Variants in WWOX observed in about 807,000 individuals in gnomAD.
WWOX encodes WW domain-containing oxidoreductase.
WWOX carries 69 observed loss-of-function variants against 46.2 expected under a neutral mutation model. The ratio of observed to expected loss-of-function variants is 1.49; its 90% CI spans 1.23 to 1.82. WWOX has a LOEUF of 1.82. Among genes scored for constraint, WWOX ranks in the 40% most tolerant of loss-of-function variants. The pLI, the probability that WWOX is intolerant of heterozygous loss-of-function variation, is 0.00. For missense variants in WWOX, 919 were observed against 542.6 expected (o/e 1.69, Z -6.89); for synonymous variants, 359 against 202.6 (o/e 1.77, Z -6.56).
intron 8 of WWOX, among the ~76,000 whole-genome samples, chr16:78,854,044 CACT>C (rs2052512749): frequency 6.6e-6 from 1 of 152,076 alleles, no homozygotes; most frequent in African/African-American, 2.4e-5. Flanking sequence ...TGAAGATAAC[CACT>C]ACTATCATTT....
intron 8 of WWOX, among the ~76,000 whole-genome samples, chr16:78,993,878 C>G (rs2046937302): frequency 1.3e-5 from 2 of 152,178 alleles, no homozygotes; most frequent in South Asian, 4.2e-4. Flanking sequence ...CACTCCTGTT[C>G]CTTTCGTGTC....
chr16:78,141,430 CTT>C (rs10639685), intron 4 of WWOX, among the ~76,000 whole-genome samples: 18 of 118,926 alleles, frequency 1.5e-4, no homozygotes, highest in Admixed American at 1.8e-4. Flanking sequence ...CATCCCCCTT[CTT>C]TTTTTTTTTT....
At chr16:78,461,009 C>A (rs1884562309) in intron 8 of WWOX, among the ~76,000 whole-genome samples, 1 of 152,144 alleles carries the variant, frequency 6.6e-6, no homozygotes, top group Non-Finnish European at 1.5e-5. Flanking sequence ...GCACAAGTTT[C>A]ATACTTGAAG....
chr16:78,756,091 AAG>A lies in WWOX; in HGVS notation c.1056+323340_1056+323341del, dbSNP rs544028551. 2.3e-3 allele frequency among the ~76,000 whole-genome samples: 356 copies of A among 152,272 alleles called. 2 individuals are homozygous for A. The highest frequency in any genetic ancestry group is 8.0e-3 in the African/African-American group (334 of 41,550). On this transcript the variant is annotated intron_variant, in intron 8 of 8. Coordinates refer to ENST00000566780, the MANE Select transcript of WWOX (RefSeq NM_016373.4). ...CCCATCTTCAGTCTTTTATTTGAAA[AAG>A]GGAAGAATGATGGAAAGGGGAGGAG...
intron 8 of WWOX, among the ~76,000 whole-genome samples, chr16:78,668,550 G>A (rs1402625295): frequency 6.6e-6 from 1 of 152,172 alleles, no homozygotes; most frequent in African/African-American, 2.4e-5. Context: ...AACATTTAGT[G>A]TGGCAAGGGG....
intron 8 of WWOX, among the ~76,000 whole-genome samples, chr16:79,063,346 G>T (rs1031181377): frequency 6.6e-6 from 1 of 152,140 alleles, no homozygotes; most frequent in East Asian, 1.9e-4. Context: ...AATATTTCCT[G>T]GCGTGCGTAT....
At chr16:79,202,880 G>A (rs1026971598) in intron 8 of WWOX, 1 of 152,202 alleles carries the variant, frequency 6.6e-6, no homozygotes, top group Non-Finnish European at 1.5e-5. Context: ...CAGTAGATGA[G>A]TAGTCAGCAC....
intron 8 of WWOX, among the ~76,000 whole-genome samples, chr16:78,906,537 T>C (rs2044969572): frequency 6.6e-6 from 1 of 152,152 alleles, no homozygotes; most frequent in Non-Finnish European, 1.5e-5. Flanking sequence ...TGCAGGGTAG[T>C]CCACGGCTTC....
chr16:78,137,941 G>A (rs1439998934), intron 4 of WWOX, among the ~76,000 whole-genome samples: 1 of 150,784 alleles, frequency 6.6e-6, no homozygotes, highest in Non-Finnish European at 1.5e-5. Flanking sequence ...ATCACAAACA[G>A]CACAAGAGGA....
At chr16:78,575,081 A>G (rs1346363122) in intron 8 of WWOX, among the ~76,000 whole-genome samples, 1 of 39,626 alleles carries the variant, frequency 2.5e-5, no homozygotes, top group Non-Finnish European at 4.9e-5. Context: ...ATATATATAT[A>G]TATATATATA....
intron 8 of WWOX, among the ~76,000 whole-genome samples, chr16:78,496,665 T>A (rs1463528193): frequency 6.6e-6 from 1 of 152,210 alleles, no homozygotes; most frequent in Non-Finnish European, 1.5e-5. Flanking sequence ...AGTTTCTGGT[T>A]TACTCGTGGT....
At chr16:78,829,345 A>C (rs148314031) in intron 8 of WWOX, among the ~76,000 whole-genome samples, 52 of 152,318 alleles carry the variant, frequency 3.4e-4, no homozygotes, top group African/African-American at 1.2e-3. Flanking sequence ...GCAAAGAGAG[A>C]AAATTATTTC....
At chr16:79,194,954 C>T (rs1448855143) in intron 8 of WWOX, among the ~76,000 whole-genome samples, 2 of 152,140 alleles carry the variant, frequency 1.3e-5, no homozygotes, top group African/African-American at 2.4e-5. Flanking sequence ...TGAGTAGATG[C>T]TACTGCTAAT....
intron 8 of WWOX, among the ~76,000 whole-genome samples, chr16:78,732,712 A>C (rs558266480): frequency 1.3e-5 from 2 of 152,200 alleles, no homozygotes; most frequent in Non-Finnish European, 2.9e-5. Flanking sequence ...ATTTGACTCA[A>C]CTCCCTTGGT....
intron 5 of WWOX, among the ~76,000 whole-genome samples, chr16:78,328,805 GTTGACC>G (rs2151890195): frequency 6.6e-6 from 1 of 150,940 alleles, no homozygotes; most frequent in African/African-American, 2.4e-5. Context: ...TCTCAGGGTG[GTTGACC>G]TTTTGCCGAT....
intron 8 of WWOX, among the ~76,000 whole-genome samples, chr16:78,518,241 T>A (rs560032950): frequency 2.6e-5 from 4 of 152,152 alleles, no homozygotes; most frequent in Non-Finnish European, 5.9e-5. Context: ...TTTTGTTTGT[T>A]TGTTTTTTGA....
chr16:78,716,565 G>C (rs971532890), intron 8 of WWOX, among the ~76,000 whole-genome samples: 6 of 152,094 alleles, frequency 3.9e-5, no homozygotes, highest in Admixed American at 3.9e-4. Flanking sequence ...CTCCATGCCA[G>C]TGTCTTCCCA....
chr16:78,613,571 G>A (rs370389628), intron 8 of WWOX, among the ~76,000 whole-genome samples: 74 of 152,272 alleles, frequency 4.9e-4, no homozygotes, highest in African/African-American at 1.7e-3. Context: ...CCCATAGTGG[G>A]TGTTCTCCAC....
chr16:79,004,979 C>G (rs1404452966), intron 8 of WWOX, among the ~76,000 whole-genome samples: 1 of 152,000 alleles, frequency 6.6e-6, no homozygotes, highest in Non-Finnish European at 1.5e-5. Flanking sequence ...TTTCTTTTCA[C>G]TTGAGTTTAA....
Sources: allele counts gnomAD v4.1 joint callset (sites outside exome capture counted in the v4.1 genomes callset), GRCh38; gene constraint gnomAD v4.1.1; transcripts MANE v1.5; gene names NCBI Gene and HGNC (gene_info 2026-07-23, HGNC 2026-07-21).